FAF1: variants seen among roughly 807,000 people sequenced by gnomAD.
The protein encoded by FAF1 is Fas associated factor 1, also known as FAS-associated factor 1.
Under a neutral mutation model 92.5 loss-of-function variants are expected in FAF1, and 25 were observed. The ratio of observed to expected loss-of-function variants is 0.27; its 90% CI spans 0.20 to 0.38. The LOEUF is 0.38. FAF1 is among the 10% of genes least tolerant of loss of function. The pLI is 1.00. For synonymous variants in FAF1, 234 were observed against 273.2 expected (o/e 0.86, Z 1.42); for missense variants, 636 against 793.3 (o/e 0.80, Z 2.38).
chr1:50,628,266 A>G (rs1653602633), intron 8 of FAF1, among the ~76,000 whole-genome samples: 1 of 152,228 alleles, frequency 6.6e-6, no homozygotes, highest in South Asian at 2.1e-4. Context: ...GATGGGGTAC[A>G]GAACACAGGT....
chr1:50,686,765 G>C (rs1362135835), intron 7 of FAF1, among the ~76,000 whole-genome samples: 4 of 152,214 alleles, frequency 2.6e-5, no homozygotes, highest in Admixed American at 2.0e-4. Context: ...AAAACACCTA[G>C]GCAATATGAC....
intron 4 of FAF1, among the ~76,000 whole-genome samples, chr1:50,779,387 A>C (rs1661079933): frequency 6.6e-6 from 1 of 152,210 alleles, no homozygotes; most frequent in South Asian, 2.1e-4. Flanking sequence ...AAAATCCATC[A>C]GAAGAATCAC....
Position 50,815,612 on chromosome 1 carries a change from A to G in FAF1, c.115-13935T>C, listed in dbSNP as rs536510624. Among the ~76,000 whole-genome samples the G allele has an allele frequency of 7.7e-3, 1,177 of 152,330 alleles. 13 individuals carry two copies. Among genetic ancestry groups the G allele is most frequent in the African/African-American group, 0.027 (1,137 of 41,576 alleles). ...ACGGCAGTTCTTTTTAAGTTCTTTGAGAAATCTCTAAACTGCGTTCCACAG... is the reference window on the plus strand; with the variant it reads ...ACGGCAGTTCTTTTTAAGTTCTTTGGGAAATCTCTAAACTGCGTTCCACAG... On this transcript the variant is annotated intron_variant, in intron 2 of 18. Transcript: ENST00000396153.
intron 6 of FAF1, among the ~76,000 whole-genome samples, chr1:50,727,968 C>T (rs778704073): frequency 1.2e-4 from 18 of 152,174 alleles, no homozygotes; most frequent in Non-Finnish European, 2.2e-4. Context: ...TGATCCCCTC[C>T]ACTGCTTCCT....
At chr1:50,638,772 T>C (rs1446360502) in intron 8 of FAF1, among the ~76,000 whole-genome samples, 3 of 152,190 alleles carry the variant, frequency 2.0e-5, no homozygotes, top group Admixed American at 6.5e-5. Flanking sequence ...AGAGTCCTTC[T>C]ATCAGGCTGG....
In FAF1 at chr1:50,842,966, A is replaced by T. The variant is rs528652325; in HGVS notation, c.114+14963T>A. The stretch of plus-strand genomic sequence containing the variant: ...TCACTGCCACATCCCCTGTGCCTAA[A>T]ACAGTGCTAGCACACAGTAAGGGAC... On this transcript the variant is annotated intron_variant, in intron 2 of 18. Transcript: ENST00000396153. 2.6e-5 allele frequency among the ~76,000 whole-genome samples: 4 copies of T among 152,318 alleles called. No individual in the cohort carries two copies. In the South Asian group the frequency reaches 8.3e-4, roughly 32 times the overall value.
intron 7 of FAF1, among the ~76,000 whole-genome samples, chr1:50,677,349 T>C (rs1418095144): frequency 1.2e-4 from 18 of 152,128 alleles, no homozygotes; most frequent in Admixed American, 1.2e-3. Context: ...AATATTAAAA[T>C]AAAATTCATG....
chr1:50,725,693 T>A (rs1273190363), intron 6 of FAF1, among the ~76,000 whole-genome samples: 2 of 152,012 alleles, frequency 1.3e-5, no homozygotes, highest in Admixed American at 6.6e-5. Context: ...TGACCTCAAA[T>A]GATCCACCCT....
chr1:50,475,751 A>G (rs1646632719), intron 17 of FAF1, 72 bp from the exon 18 acceptor site: 2 of 996,712 alleles, frequency 2.0e-6, no homozygotes, highest in South Asian at 3.8e-5. Context: ...GGAAGACACC[A>G]GAAAAAAAGC....
intron 4 of FAF1, among the ~76,000 whole-genome samples, chr1:50,786,175 T>C (rs182422901): frequency 3.3e-5 from 5 of 151,938 alleles, no homozygotes; most frequent in Non-Finnish European, 7.4e-5. Context: ...TGCAGCGTTA[T>C]TCACAACAGC....
intron 2 of FAF1, among the ~76,000 whole-genome samples, chr1:50,804,831 A>G (rs951984057): frequency 2.0e-5 from 3 of 152,212 alleles, no homozygotes; most frequent in Admixed American, 2.0e-4. Context: ...TTGGTTAAAT[A>G]CAACACTCTT....
chr1:50,698,269 G>A (rs867845384), intron 7 of FAF1, among the ~76,000 whole-genome samples: 19 of 152,192 alleles, frequency 1.2e-4, no homozygotes, highest in Middle Eastern at 3.4e-3. Flanking sequence ...AAGTAATGTG[G>A]TACTTACCAC....
chr1:50,637,273 TAAAAAAA>T (rs1172030649), intron 8 of FAF1, among the ~76,000 whole-genome samples: 1 of 97,262 alleles, frequency 1.0e-5, no homozygotes, highest in Non-Finnish European at 2.0e-5. Flanking sequence ...CCATTTCTAC[TAAAAAAA>T]AAAAAAAAAA....
chr1:50,770,012 C>T (rs1660722097), intron 4 of FAF1, among the ~76,000 whole-genome samples: 1 of 152,136 alleles, frequency 6.6e-6, no homozygotes, highest in South Asian at 2.1e-4. Flanking sequence ...GATCACGCCA[C>T]TGCACTCCAG....
At chr1:50,691,751 C>T (rs186369749) in intron 7 of FAF1, among the ~76,000 whole-genome samples, 27 of 152,266 alleles carry the variant, frequency 1.8e-4, no homozygotes, top group Admixed American at 5.2e-4. Context: ...CCACCACGCC[C>T]GGCTAATTTT....
At chr1:50,796,452 G>A (rs921589075) in intron 3 of FAF1, among the ~76,000 whole-genome samples, 1 of 151,992 alleles carries the variant, frequency 6.6e-6, no homozygotes, top group Non-Finnish European at 1.5e-5. Flanking sequence ...AAGTTCCTAG[G>A]GCTCTTCCGC....
At chr1:50,823,752 G>A (rs1027799352) in intron 2 of FAF1, among the ~76,000 whole-genome samples, 8 of 151,666 alleles carry the variant, frequency 5.3e-5, no homozygotes, top group Non-Finnish European at 8.8e-5. Flanking sequence ...ATTACCCAGC[G>A]AAAACAGTTA....
At chr1:50,888,379 C>A (rs192773946) in intron 1 of FAF1, among the ~76,000 whole-genome samples, 2 of 152,156 alleles carry the variant, frequency 1.3e-5, no homozygotes, top group African/African-American at 4.8e-5. Context: ...CTTTCTCCTG[C>A]CTGATTGCCC....
chr1:50,848,515 A>G (rs1263307019), intron 2 of FAF1, among the ~76,000 whole-genome samples: 1 of 152,254 alleles, frequency 6.6e-6, no homozygotes, highest in African/African-American at 2.4e-5. Context: ...GCATAGTCTC[A>G]AAATATTTCC....
Sources: gnomAD v4.1 joint callset for allele counts (sites outside exome capture counted in the v4.1 genomes callset) on GRCh38, gnomAD v4.1.1 for gene constraint, MANE v1.5 for transcripts, NCBI Gene and HGNC (gene_info 2026-07-23, HGNC 2026-07-21) for gene names.